Variants in MMS19 observed in about 807,000 individuals in gnomAD.
The protein encoded by MMS19 is MMS19 nucleotide excision repair protein homolog.
In MMS19, 77 loss-of-function variants were observed where a neutral mutation model predicts 129.8. The observed-to-expected ratio is 0.59, with a 90% CI of 0.49 to 0.72. The LOEUF is 0.72. MMS19 is among the 30% of genes least tolerant of loss of function. The pLI, the probability that MMS19 is intolerant of heterozygous loss-of-function variation, is 0.00. For missense variants in MMS19, 1,168 were observed against 1,266.3 expected (o/e 0.92, Z 1.18); for synonymous variants, 491 against 502.8 (o/e 0.98, Z 0.31).
intron 11 of MMS19, 127 bp from the exon 12 acceptor site, chr10:97,469,231 A>C: frequency 1.7e-6 from 2 of 1,189,016 alleles, no homozygotes; most frequent in Non-Finnish European, 2.3e-6. Context: ...GGAAATTAAC[A>C]CCCCAACTGA....
At chr10:97,460,608 G>T in intron 25 of MMS19, 87 bp downstream of exon 25, 2 of 1,100,580 alleles carry the variant, frequency 1.8e-6, no homozygotes, top group Non-Finnish European at 2.7e-6. Flanking sequence ...AAAACACACA[G>T]GGGAGGATGG....
At chr10:97,461,967 T>G (rs1274277195) in intron 21 of MMS19, 50 bp downstream of exon 21, 2 of 1,564,562 alleles carry the variant, frequency 1.3e-6, no homozygotes, top group Non-Finnish European at 1.7e-6. Context: ...CATTCCAGAT[T>G]AGCCCTAAAA....
At chr10:97,470,301 CTA>C in intron 9 of MMS19, 98 bp from the exon 10 acceptor site, 2 of 827,544 alleles carry the variant, frequency 2.4e-6, no homozygotes, top group Non-Finnish European at 4.1e-6. Flanking sequence ...AAAGCAGGTA[CTA>C]CATCAAGGAG....
intron 8 of MMS19, among the ~76,000 whole-genome samples, chr10:97,471,214 A>T (rs1332591716): frequency 6.6e-6 from 1 of 152,026 alleles, no homozygotes; most frequent in Non-Finnish European, 1.5e-5. Flanking sequence ...CATTTTGTAC[A>T]TGTGGTTTTT....
intron 8 of MMS19, 121 bp downstream of exon 8, chr10:97,476,562 A>G: frequency 1.3e-6 from 1 of 763,614 alleles, no homozygotes; most frequent in Non-Finnish European, 2.2e-6. Context: ...TTATTAAAAT[A>G]TAAAATAATG....
Position 97,459,243 on chromosome 10 carries a change from T to TGA in MMS19, c.2942_2943dup (p.Thr982SerfsTer16). The stretch of plus-strand genomic sequence containing the variant: ...CTTACCACAGGGGTGGGCAGGCGAG[T>TGA]GAGAGCATGCATGCACTGCAGTGCG... On this transcript the variant is annotated frameshift_variant, in exon 29 of 31. Transcript: ENST00000438925. LOFTEE classifies it high-confidence loss of function. 1.2e-6 allele frequency: 2 copies of TGA among 1,611,968 alleles called. No homozygotes were observed. The highest frequency in any genetic ancestry group is 4.5e-5 in the East Asian group (2 of 44,784).
Position 97,498,414 on chromosome 10 carries a change from A to G in MMS19, c.-30T>C, listed in dbSNP as rs371325200. ...CGAACTAGAGACCGTGGGAGGGGAT[A>G]TGGGCGGTGGCTCGAGACGGGCTCT... On this transcript the variant is annotated 5_prime_UTR_variant, in exon 1 of 31. Transcript: ENST00000438925. 2 of 1,573,504 alleles carry G rather than the reference A, an allele frequency of 1.3e-6. No individual in the cohort carries two copies. The highest frequency in any genetic ancestry group is 1.7e-6 in the Non-Finnish European group (2 of 1,168,250).
chr10:97,494,297 T>G (rs1231885270), intron 1 of MMS19, among the ~76,000 whole-genome samples: 1 of 152,204 alleles, frequency 6.6e-6, no homozygotes, highest in Non-Finnish European at 1.5e-5. Context: ...GTGGGGGCAC[T>G]GAGAAGTCAA....
intron 25 of MMS19, 67 bp from the exon 26 acceptor site, chr10:97,460,299 G>C: frequency 6.8e-7 from 1 of 1,472,378 alleles, no homozygotes; most frequent in Non-Finnish European, 9.3e-7. Context: ...GATAAGGATG[G>C]GGCCGGGTGT....
chr10:97,468,026 G>A (rs10786350), intron 13 of MMS19, among the ~76,000 whole-genome samples: 42,046 of 151,494 alleles, frequency 0.28, 6,090 homozygotes, highest in East Asian at 0.48. Context: ...TTGTTGCCCA[G>A]GCTGATCTTG....
At chr10:97,496,557 G>C (rs956673393) in intron 1 of MMS19, among the ~76,000 whole-genome samples, 1 of 147,658 alleles carries the variant, frequency 6.8e-6, no homozygotes, top group Non-Finnish European at 1.5e-5. Context: ...CCTTATTCAA[G>C]ATAAGTCCTT....
At position 97,459,645 on chromosome 10, in the gene MMS19, C is replaced by T. The variant is rs1353260896; in HGVS notation, c.2739+14G>A. 1 of 1,595,776 alleles carries T rather than the reference C, an allele frequency of 6.3e-7. No individual in the cohort carries two copies. Among genetic ancestry groups the T allele is most frequent in the South Asian group, 1.1e-5 (1 of 89,320 alleles). On this transcript the variant is annotated intron_variant, in intron 27 of 30. Transcript: ENST00000438925. The stretch of plus-strand genomic sequence containing the variant: ...CTTTGTCCTTTGCTTAGAAGCTCTG[C>T]CTGTGGGACTTACCGTGGGCAGCTC...
chr10:97,478,250 C>T, intron 4 of MMS19, 54 bp downstream of exon 4: 2 of 1,423,648 alleles, frequency 1.4e-6, no homozygotes, highest in Non-Finnish European at 1.9e-6. Flanking sequence ...AAGGAGAGAA[C>T]TAGACAAGGG....
chr10:97,480,419 T>A (rs2036578912), intron 3 of MMS19: 2 of 420,936 alleles, frequency 4.8e-6, no homozygotes, highest in Admixed American at 5.7e-5. Flanking sequence ...TGCCTACCCC[T>A]GCTATACAAG....
At chr10:97,494,675 C>T (rs924110033) in intron 1 of MMS19, among the ~76,000 whole-genome samples, 26 of 152,156 alleles carry the variant, frequency 1.7e-4, no homozygotes, top group African/African-American at 6.3e-4. Flanking sequence ...TTATATCCAT[C>T]ACCTGCAAAT....
In MMS19 at chr10:97,480,583, A is replaced by G. The variant is rs553425720; in HGVS notation, c.262+359T>C. On this transcript the variant is annotated intron_variant, in intron 3 of 30. Transcript: ENST00000438925. ...CAGTCTAAGGCTACATTTGAAATCC[A>G]TGTGTCTTTCTTTTTTGAGATGGAG... 9.9e-5 allele frequency among the ~76,000 whole-genome samples: 15 copies of G among 152,178 alleles called. No individual in the cohort carries two copies. The South Asian group carries it at 3.1e-3, about 32-fold the overall frequency.
rs1247093014 is a variant in MMS19, at chr10:97,468,414, A to G, written c.1064-8T>C. The G allele has an allele frequency of 6.3e-7, 1 of 1,596,546 alleles. No homozygotes were observed. The highest frequency in any genetic ancestry group is 1.7e-5 in the Admixed American group (1 of 58,986). On this transcript the variant is annotated splice_polypyrimidine_tract_variant and splice_region_variant and intron_variant, in intron 12 of 30. Coordinates refer to ENST00000438925, the MANE Select transcript of MMS19 (RefSeq NM_022362.5). Reference sequence around the variant, plus strand: ...ACAGGTGGTGCCTGCAGTCTAGAGAAGCAGCACATCACAGAGCTGGGGAGG... The same window carrying G: ...ACAGGTGGTGCCTGCAGTCTAGAGAGGCAGCACATCACAGAGCTGGGGAGG...
At chr10:97,498,482 G>C (rs975878340), upstream of MMS19, 25 of 1,503,282 alleles carry the variant, frequency 1.7e-5, no homozygotes, top group Admixed American at 2.4e-4. Flanking sequence ...GAAGCGCAAG[G>C]GGGCGGGGCG....
Position 97,476,730 on chromosome 10 carries a change from C to T in MMS19, c.637G>A (p.Glu213Lys). 6.2e-7 allele frequency: 1 copy of T among 1,613,892 alleles called. No homozygotes were observed. The highest frequency in any genetic ancestry group is 8.5e-7 in the Non-Finnish European group (1 of 1,179,856). ...TAACAGGATGTCACTTCAAACAACT[C>T]CTCCACAAAGGGTCCTGTGGCAACA... ...RDYSLGPFVE[E>K]LFEVTSCYFP... Residue 213 changes from glutamate to lysine, a missense_variant, in exon 8 of 31, where the codon GAG becomes AAG. By Grantham distance (56) the Glu-to-Lys change is moderately conservative (BLOSUM62 1). Around this residue, in one of 3 missense-constraint regions of MMS19, gnomAD observed 329 missense variants for 328.6 expected, o/e 1.00. Transcript: ENST00000438925.
Sources: gnomAD v4.1 joint callset for allele counts (sites outside exome capture counted in the v4.1 genomes callset) on GRCh38, gnomAD v4.1.1 for gene constraint, gnomAD v4.1.1 regional missense constraint, MANE v1.5 for transcripts, NCBI Gene and HGNC (gene_info 2026-07-23, HGNC 2026-07-21) for gene names.